FSTL5: variants seen among roughly 807,000 people sequenced by gnomAD.
FSTL5 encodes follistatin like 5, also known as follistatin-related protein 5.
In FSTL5, 62 loss-of-function variants were observed where a neutral mutation model predicts 89.1. That is an observed-to-expected ratio of 0.70 (90% CI 0.57 to 0.86). The LOEUF (loss-of-function observed/expected upper bound fraction) is 0.86, where lower values mean the gene tolerates loss of function less well. FSTL5 is among the 40% of genes least tolerant of loss of function. The pLI is 0.00. For missense variants in FSTL5, 1,057 were observed against 1,001.6 expected, an observed-to-expected ratio of 1.06 and a Z score of -0.75; for synonymous variants, 383 against 346.2, an observed-to-expected ratio of 1.11 and a Z score of -1.18.
chr4:161,874,339 T>C (rs1324585908), intron 4 of FSTL5, among the ~76,000 whole-genome samples: 1 of 152,036 alleles, frequency 6.6e-6, no homozygotes, highest in Non-Finnish European at 1.5e-5. Flanking sequence ...TTTCAGTTAA[T>C]ATGTTTTATA....
intron 15 of FSTL5, among the ~76,000 whole-genome samples, chr4:161,409,430 G>A (rs769750137): frequency 5.3e-5 from 8 of 151,742 alleles, no homozygotes; most frequent in Non-Finnish European, 1.2e-4. Flanking sequence ...GTCACTAGGT[G>A]GAGTCCAGTG....
At chr4:161,885,615 T>G (rs1579168047) in intron 4 of FSTL5, among the ~76,000 whole-genome samples, 1 of 152,000 alleles carries the variant, frequency 6.6e-6, no homozygotes, top group South Asian at 2.1e-4. Flanking sequence ...CCAGCTAATT[T>G]TTTGTATTAT....
chr4:161,658,610 C>T (rs1736600569), intron 6 of FSTL5, among the ~76,000 whole-genome samples: 1 of 152,100 alleles, frequency 6.6e-6, no homozygotes, highest in African/African-American at 2.4e-5. Context: ...CATATACACT[C>T]ATACAGAGAC....
At chr4:161,731,218 G>A (rs1739598228) in intron 6 of FSTL5, among the ~76,000 whole-genome samples, 1 of 152,134 alleles carries the variant, frequency 6.6e-6, no homozygotes, top group Non-Finnish European at 1.5e-5. Flanking sequence ...TGATGAATCT[G>A]TCACACCAAA....
chr4:161,531,233 G>T (rs1731403033), intron 10 of FSTL5, among the ~76,000 whole-genome samples: 1 of 152,188 alleles, frequency 6.6e-6, no homozygotes. Flanking sequence ...CCACTTCAAA[G>T]ATTAGGGTAG....
chr4:162,132,076 C>T (rs1732321735), intron 1 of FSTL5, among the ~76,000 whole-genome samples: 1 of 152,158 alleles, frequency 6.6e-6, no homozygotes, highest in South Asian at 2.1e-4. Flanking sequence ...AACCTCAAAG[C>T]GTTTGAATTA....
chr4:161,489,412 A>G (rs989162427), intron 12 of FSTL5, among the ~76,000 whole-genome samples: 5 of 152,184 alleles, frequency 3.3e-5, no homozygotes, highest in Admixed American at 1.3e-4. Flanking sequence ...GAGCTTGACA[A>G]AAAGGTGTTG....
At chr4:161,877,906 G>A (rs1427660276) in intron 4 of FSTL5, among the ~76,000 whole-genome samples, 6 of 151,334 alleles carry the variant, frequency 4.0e-5, no homozygotes, top group African/African-American at 7.3e-5. Flanking sequence ...TGCCCGCCTC[G>A]GCCTCCCAAA....
intron 14 of FSTL5, among the ~76,000 whole-genome samples, chr4:161,458,463 G>A (rs1733442084): frequency 6.6e-6 from 1 of 152,058 alleles, no homozygotes; most frequent in Admixed American, 6.6e-5. Context: ...AAAAGTCTTG[G>A]TAGTGACAAC....
Position 161,530,491 on chromosome 4 carries a change from A to G in FSTL5, c.1312+7675T>C, listed in dbSNP as rs932515067. Among the ~76,000 whole-genome samples the G allele has an allele frequency of 1.3e-4, 20 of 150,544 alleles. 3 individuals carry two copies. Among genetic ancestry groups the G allele is most frequent in the African/African-American group, 4.9e-4 (20 of 41,218 alleles). On this transcript the variant is annotated intron_variant, in intron 10 of 15. Transcript: ENST00000306100. Reference sequence around the variant, plus strand: ...TCTTCAAGTTGTTTTATTTTATAATAAAGTATGAACTATCAAAATATTAAT... The same window carrying G: ...TCTTCAAGTTGTTTTATTTTATAATGAAGTATGAACTATCAAAATATTAAT...
intron 6 of FSTL5, among the ~76,000 whole-genome samples, chr4:161,678,487 T>C (rs1156460765): frequency 1.3e-5 from 2 of 151,848 alleles, no homozygotes; most frequent in Non-Finnish European, 2.9e-5. Flanking sequence ...ACAAATACAT[T>C]ACTGAAAATA....
At chr4:161,428,615 C>T (rs1324485840) in intron 15 of FSTL5, among the ~76,000 whole-genome samples, 1 of 152,166 alleles carries the variant, frequency 6.6e-6, no homozygotes, top group Non-Finnish European at 1.5e-5. Flanking sequence ...CTAGACACAC[C>T]CTGGGCCAGA....
At chr4:161,533,340 GA>G (rs34130737) in intron 10 of FSTL5, among the ~76,000 whole-genome samples, 41,642 of 151,212 alleles carry the variant, frequency 0.28, 6,271 homozygotes, top group East Asian at 0.54. Flanking sequence ...AATTAAGGGG[GA>G]AAAAAAAGAG....
rs564587858 is a variant in FSTL5 at position 161,580,100 on chromosome 4, G to A, written c.1015+7355C>T. ...CATTTATATATTAATTTTTGAACAT[G>A]TCTATATTCTTGCTATTCAATAATT... On this transcript the variant is annotated intron_variant, in intron 8 of 15. Coordinates refer to ENST00000306100, the MANE Select transcript of FSTL5 (RefSeq NM_020116.5). 1.4e-4 allele frequency among the ~76,000 whole-genome samples: 21 copies of A among 152,146 alleles called. No individual in the cohort carries two copies. In the East Asian group the frequency reaches 4.1e-3, roughly 29 times the overall value.
intron 13 of FSTL5, among the ~76,000 whole-genome samples, chr4:161,462,253 G>T (rs1733607761): frequency 6.6e-6 from 1 of 152,152 alleles, no homozygotes; most frequent in Non-Finnish European, 1.5e-5. Context: ...GCATATGAAA[G>T]ACACTCCCTC....
At chr4:161,597,702 T>C (rs1296925797) in intron 7 of FSTL5, among the ~76,000 whole-genome samples, 1 of 151,720 alleles carries the variant, frequency 6.6e-6, no homozygotes. Context: ...AAGAAGCCTA[T>C]GGCAGTTGTC....
intron 15 of FSTL5, among the ~76,000 whole-genome samples, chr4:161,413,401 A>C (rs535477609): frequency 1.8e-4 from 28 of 152,256 alleles, no homozygotes; most frequent in African/African-American, 6.3e-4. Flanking sequence ...CAGAATGGCC[A>C]TTATTAAAAA....
chr4:161,492,327 A>G (rs140693710), intron 12 of FSTL5, among the ~76,000 whole-genome samples: 3 of 152,308 alleles, frequency 2.0e-5, no homozygotes, highest in African/African-American at 7.2e-5. Context: ...TTGGAAGTCA[A>G]TATTAAATGG....
intron 3 of FSTL5, among the ~76,000 whole-genome samples, chr4:161,920,882 C>G (rs181288007): frequency 6.6e-6 from 1 of 152,132 alleles, no homozygotes; most frequent in East Asian, 1.9e-4. Flanking sequence ...CTCTCTTCTC[C>G]CTCCCCAGAG....
Sources: allele counts gnomAD v4.1 joint callset (sites outside exome capture counted in the v4.1 genomes callset), GRCh38; gene constraint gnomAD v4.1.1; transcripts MANE v1.5; gene names NCBI Gene and HGNC (gene_info 2026-07-23, HGNC 2026-07-21).